PHACTR1: variants seen among roughly 807,000 people sequenced by gnomAD.
PHACTR1 encodes the protein phosphatase and actin regulator 1, also known as RPEL repeat containing 1.
A neutral mutation model predicts 69.2 loss-of-function variants in PHACTR1; 16 were observed. The observed-to-expected ratio is 0.23, with a 90% confidence interval of 0.16 to 0.35. The LOEUF is 0.35. Among genes scored for constraint, PHACTR1 ranks in the 10% least tolerant of loss-of-function variants. The pLI, the probability that PHACTR1 is intolerant of heterozygous loss-of-function variation, is 1.00. For synonymous variants in PHACTR1, 312 were observed against 284.5 expected (o/e 1.10, Z -0.97); for missense variants, 510 against 734.7 (o/e 0.69, Z 3.54).
chr6:13,263,937 C>G (rs1584294121), intron 10 of PHACTR1, among the ~76,000 whole-genome samples: 2 of 152,180 alleles, frequency 1.3e-5, no homozygotes, highest in African/African-American at 4.8e-5. Context: ...ATGAGCCAAG[C>G]AGATGGCTGC....
intron 10 of PHACTR1, among the ~76,000 whole-genome samples, chr6:13,266,121 C>T (rs924583323): frequency 6.6e-6 from 1 of 152,188 alleles, no homozygotes; most frequent in South Asian, 2.1e-4. Context: ...AGTGTGCCTG[C>T]CTCAGTGAAC....
intron 6 of PHACTR1, among the ~76,000 whole-genome samples, chr6:13,167,369 A>T (rs1245560269): frequency 6.6e-6 from 1 of 152,216 alleles, no homozygotes; most frequent in Admixed American, 6.5e-5. Flanking sequence ...TTTGTATGGT[A>T]TGGGTATGTG....
In PHACTR1 at chr6:13,184,881, C is replaced by T. The variant is rs766444010; in HGVS notation, c.664+2195C>T. On this transcript the variant is annotated intron_variant, in intron 7 of 14. Coordinates refer to ENST00000332995, the MANE Select transcript of PHACTR1 (RefSeq NM_030948.6). Reference sequence around the variant, plus strand: ...CAGCCAAACCAGTCCTGCTACTGCCCCCCAAAAAACCTGCTGCTTTCCCTG... The same window carrying T: ...CAGCCAAACCAGTCCTGCTACTGCCTCCCAAAAAACCTGCTGCTTTCCCTG... 37 of 1,366,448 alleles carry T rather than the reference C, an allele frequency of 2.7e-5. No homozygotes were observed. In the Admixed American group the frequency reaches 7.0e-4, roughly 26 times the overall value. The allele number at this position is 1,366,448 out of a possible 1,614,324, so 84.6% of individuals were successfully genotyped here. A position where few individuals can be genotyped will look rare whatever the true frequency, so the allele number is the denominator to read the frequency against.
chr6:13,220,244 T>A (rs1768397507), intron 8 of PHACTR1, among the ~76,000 whole-genome samples: 1 of 152,198 alleles, frequency 6.6e-6, no homozygotes, highest in Admixed American at 6.5e-5. Flanking sequence ...CTGTCCAACA[T>A]CTTGTGAATA....
Position 13,244,700 on chromosome 6 carries a change from C to G in PHACTR1, c.1391+14507C>G, listed in dbSNP as rs573841979. ...GCAGTCAGAGTTTAAGTTTCTCTCT[C>G]TTATTCCCTGAACAATTGCTGTTAT... On this transcript the variant is annotated intron_variant, in intron 10 of 14. Transcript: ENST00000332995. Among the ~76,000 whole-genome samples the G allele has an allele frequency of 2.0e-5, 3 of 152,362 alleles. No homozygotes were observed. In the East Asian group the frequency reaches 5.8e-4, roughly 29 times the overall value.
intron 4 of PHACTR1, among the ~76,000 whole-genome samples, chr6:12,997,127 A>G (rs1306632364): frequency 2.6e-5 from 4 of 151,974 alleles, no homozygotes; most frequent in African/African-American, 9.6e-5. Context: ...ATCACCCGCC[A>G]TTGCACTCTA....
chr6:13,036,860 C>A (rs1199091825), intron 4 of PHACTR1, among the ~76,000 whole-genome samples: 1 of 152,168 alleles, frequency 6.6e-6, no homozygotes, highest in East Asian at 1.9e-4. Flanking sequence ...AATATACATA[C>A]TGAAACCAGA....
intron 14 of PHACTR1, among the ~76,000 whole-genome samples, chr6:13,286,464 TG>T (rs566387456): frequency 9.8e-5 from 15 of 152,366 alleles, no homozygotes; most frequent in Admixed American, 3.3e-4. Flanking sequence ...ACTAAAGGTC[TG>T]ATAAGCACCA....
At chr6:13,260,828 A>G (rs1775808210) in intron 10 of PHACTR1, among the ~76,000 whole-genome samples, 1 of 152,228 alleles carries the variant, frequency 6.6e-6, no homozygotes, top group African/African-American at 2.4e-5. Flanking sequence ...AGAAAGGTTT[A>G]GTAAAATAAG....
chr6:12,947,839 C>T (rs997149772), intron 4 of PHACTR1, among the ~76,000 whole-genome samples: 1 of 152,220 alleles, frequency 6.6e-6, no homozygotes, highest in African/African-American at 2.4e-5. Flanking sequence ...TTCCACCAGT[C>T]TGAAAACTTT....
chr6:13,027,912 G>A (rs113235257), intron 4 of PHACTR1, among the ~76,000 whole-genome samples: 1,531 of 152,210 alleles, frequency 0.01, 21 homozygotes, highest in African/African-American at 0.035. Context: ...CCTGACCTCA[G>A]GTGATCCACC....
intron 4 of PHACTR1, among the ~76,000 whole-genome samples, chr6:12,829,996 G>GAGAGAT (rs58523717): frequency 2.9e-5 from 4 of 139,942 alleles, no homozygotes; most frequent in African/African-American, 1.1e-4. Context: ...GAGAGAGAGA[G>GAGAGAT]AACGAAAAGA....
chr6:12,721,275 TCGGGAGG>T (rs1291553144), intron 3 of PHACTR1, among the ~76,000 whole-genome samples: 2 of 151,898 alleles, frequency 1.3e-5, no homozygotes, highest in Non-Finnish European at 2.9e-5. Context: ...TCCCAGCTAC[TCGGGAGG>T]CTAAGGTAGG....
At chr6:12,946,302 T>C (rs1790666889) in intron 4 of PHACTR1, among the ~76,000 whole-genome samples, 1 of 152,046 alleles carries the variant, frequency 6.6e-6, no homozygotes, top group Non-Finnish European at 1.5e-5. Flanking sequence ...TTGGGTGCCA[T>C]GCTAAACAAC....
intron 4 of PHACTR1, among the ~76,000 whole-genome samples, chr6:12,899,826 A>G (rs1468836232): frequency 6.6e-6 from 1 of 152,212 alleles, no homozygotes; most frequent in East Asian, 1.9e-4. Context: ...GCATGAGCTC[A>G]CTGCGCAGGA....
At chr6:12,949,518 G>A (rs1791057726) in intron 4 of PHACTR1, among the ~76,000 whole-genome samples, 1 of 152,140 alleles carries the variant, frequency 6.6e-6, no homozygotes, top group Admixed American at 6.5e-5. Context: ...CTTCCTGGAG[G>A]AGGTGAGTCT....
chr6:12,734,434 C>G (rs1763978119), intron 3 of PHACTR1, among the ~76,000 whole-genome samples: 1 of 151,996 alleles, frequency 6.6e-6, no homozygotes, highest in Non-Finnish European at 1.5e-5. Context: ...TGTAATGGCC[C>G]CAACTTGTGG....
chr6:12,962,064 GACCACAGGGGTATGAC>G (rs912916231), intron 4 of PHACTR1, among the ~76,000 whole-genome samples: 4 of 152,100 alleles, frequency 2.6e-5, no homozygotes, highest in Admixed American at 2.6e-4. Context: ...GTGTAGCTGG[GACCACAGGGGTATGAC>G]ACCACCTTAG....
intron 4 of PHACTR1, among the ~76,000 whole-genome samples, chr6:13,044,991 A>C (rs765534013): frequency 1.3e-5 from 2 of 152,168 alleles, no homozygotes; most frequent in African/African-American, 2.4e-5. Flanking sequence ...CTACAGTAGG[A>C]TCAATTTATA....
Sources: gnomAD v4.1 joint callset for allele counts (sites outside exome capture counted in the v4.1 genomes callset) on GRCh38, gnomAD v4.1.1 for gene constraint, MANE v1.5 for transcripts, NCBI Gene and HGNC (gene_info 2026-07-23, HGNC 2026-07-21) for gene names.